SMARCB1: variants seen among roughly 807,000 people sequenced by gnomAD.
SMARCB1 encodes SWI/SNF-related matrix-associated actin-dependent regulator of chromatin subfamily B member 1.
In SMARCB1, 5 loss-of-function variants were observed where a neutral mutation model predicts 49.0. That is an observed-to-expected ratio of 0.10 (90% CI 0.05 to 0.21). SMARCB1 has a LOEUF of 0.21. Ranked by LOEUF, SMARCB1 falls within the 10% of genes least tolerant of loss-of-function variation. SMARCB1 has a pLI of 1.00. For synonymous variants in SMARCB1, 201 were observed against 200.1 expected, an observed-to-expected ratio of 1.00 and a Z score of -0.04; for missense variants, 226 against 509.2, an observed-to-expected ratio of 0.44 and a Z score of 5.35.
intron 8 of SMARCB1, 37 bp from the exon 9 acceptor site, chr22:23,834,104 T>C: frequency 6.4e-7 from 1 of 1,563,268 alleles, no homozygotes; most frequent in Admixed American, 1.9e-5. Flanking sequence ...GGCTGGGAGC[T>C]GGCCCCGACT....
At chr22:23,798,429 A>T (rs76218249) in intron 3 of SMARCB1, among the ~76,000 whole-genome samples, 2,798 of 152,032 alleles carry the variant, frequency 0.018, 61 homozygotes, top group South Asian at 0.11. Context: ...TAAAAATTGC[A>T]CTCTGAGCGG....
At chr22:23,803,621 T>A in intron 5 of SMARCB1, 199 bp downstream of exon 5, 1 of 691,072 alleles carries the variant, frequency 1.4e-6, no homozygotes, top group South Asian at 1.7e-5. Context: ...CCTGTGAACT[T>A]TGGACTCTTT....
rs17003998 is a variant in SMARCB1, at chr22:23,833,866, G to T, written c.1118+163G>T. Among the ~76,000 whole-genome samples, 17,570 of 152,202 alleles carry T rather than the reference G, an allele frequency of 0.12. 1,099 individuals carry two copies. Among genetic ancestry groups the T allele is most frequent in the South Asian group, 0.26 (1,267 of 4,818 alleles). On this transcript the variant is annotated intron_variant, in intron 8 of 8. Transcript: ENST00000644036. ...CTGGGTGATAAGGCCCCATCCAAAC[G>T]CCAGGGTATGTTTCCCTGCATGGAA...
rs1263839576 is a variant in SMARCB1 at position 23,836,736 on chromosome 22, C to T, written c.*2556C>T. The T allele has an allele frequency of 5.9e-6, 8 of 1,366,886 alleles. No homozygotes were observed. The highest frequency in any genetic ancestry group is 2.9e-5 in the East Asian group (1 of 34,420). The allele number at this position is 1,366,886 out of a possible 1,614,324, so 84.7% of individuals were successfully genotyped here. A position where few individuals can be genotyped will look rare whatever the true frequency, so the allele number is the denominator to read the frequency against. ...GCCAGTGCTGTGGGCCAAGAGACTGCAGCTCATTCTGTTTATTCAGGTGGG... is the reference window on the plus strand; with the variant it reads ...GCCAGTGCTGTGGGCCAAGAGACTGTAGCTCATTCTGTTTATTCAGGTGGG... On this transcript the variant is annotated 3_prime_UTR_variant, in exon 9 of 9. Transcript: ENST00000644036.
chr22:23,837,987 T>A lies in SMARCB1; in HGVS notation c.*3807T>A. On this transcript the variant is annotated 3_prime_UTR_variant, in exon 9 of 9. Transcript: ENST00000644036. Reference sequence around the variant, plus strand: ...CCCTCATCAAGATGAGCCAGTCCAATAAAGGCGACACACTCCACGGGCTTC... The same window carrying A: ...CCCTCATCAAGATGAGCCAGTCCAAAAAAGGCGACACACTCCACGGGCTTC... 1 of 1,241,554 alleles carries A rather than the reference T, an allele frequency of 8.1e-7. No individual in the cohort carries two copies. Among genetic ancestry groups the A allele is most frequent in the Non-Finnish European group, 1.1e-6 (1 of 915,212 alleles). The allele number at this position is 1,241,554 out of a possible 1,614,324, so 76.9% of individuals were successfully genotyped here.
At chr22:23,821,275 G>C (rs548369579) in intron 6 of SMARCB1, among the ~76,000 whole-genome samples, 3 of 152,354 alleles carry the variant, frequency 2.0e-5, no homozygotes, top group African/African-American at 7.2e-5. Context: ...TGTGTTATGT[G>C]GGACAGACTG....
intron 3 of SMARCB1, 80 bp from the exon 4 acceptor site, chr22:23,800,864 C>A (rs559091365): frequency 1.8e-6 from 2 of 1,086,482 alleles, no homozygotes; most frequent in East Asian, 4.7e-5. Context: ...CAGTGGGCAT[C>A]CCTGGAGCAT....
At chr22:23,825,466 T>C (rs546466028) in intron 7 of SMARCB1, 51 bp downstream of exon 7, 1 of 1,522,952 alleles carries the variant, frequency 6.6e-7, no homozygotes, top group Non-Finnish European at 9.1e-7. Flanking sequence ...CAAAACTGTT[T>C]TGAGAAAGAC....
At chr22:23,827,810 C>T (rs1299428011) in intron 7 of SMARCB1, among the ~76,000 whole-genome samples, 1 of 152,166 alleles carries the variant, frequency 6.6e-6, no homozygotes, top group East Asian at 1.9e-4. Flanking sequence ...GTTGGGCTGT[C>T]ATCCCTGACT....
intron 1 of SMARCB1, among the ~76,000 whole-genome samples, chr22:23,787,778 C>T (rs1289704304): frequency 6.6e-6 from 1 of 152,084 alleles, no homozygotes; most frequent in Non-Finnish European, 1.5e-5. Flanking sequence ...CTTTGTTTAC[C>T]GGTGAAGAAA....
chr22:23,791,967 C>T (rs1928409453), intron 2 of SMARCB1, 73 bp downstream of exon 2: 1 of 1,517,280 alleles, frequency 6.6e-7, no homozygotes, highest in South Asian at 1.1e-5. Flanking sequence ...AACGTTTTCA[C>T]TCCAGAGTGT....
chr22:23,790,080 G>C (rs1371979803), intron 1 of SMARCB1, among the ~76,000 whole-genome samples: 1 of 152,206 alleles, frequency 6.6e-6, no homozygotes, highest in East Asian at 1.9e-4. Context: ...GGTCCCAAGA[G>C]GGTGAAGGCT....
chr22:23,807,184 A>G (rs534704772), intron 5 of SMARCB1, among the ~76,000 whole-genome samples: 44 of 152,152 alleles, frequency 2.9e-4, no homozygotes, highest in Non-Finnish European at 3.5e-4. Flanking sequence ...TCCCCTCAGG[A>G]AGAGTTTTGG....
At position 23,811,757 on chromosome 22, in the gene SMARCB1, A is replaced by G. The variant is rs575223408; in HGVS notation, c.629-5013A>G. ...TGGAAAACAGGAAAAGCTTTCCTCA[A>G]GTCGATAATCTAAGCTCTAATCTCA... On this transcript the variant is annotated intron_variant, in intron 5 of 8. Coordinates refer to ENST00000644036, the MANE Select transcript of SMARCB1 (RefSeq NM_003073.5). 1.2e-4 allele frequency among the ~76,000 whole-genome samples: 18 copies of G among 152,362 alleles called. 1 individual carries two copies. Among genetic ancestry groups the G allele is most frequent in the Admixed American group, 1.0e-3 (16 of 15,296 alleles).
intron 2 of SMARCB1, chr22:23,792,120 G>A: frequency 3.6e-6 from 2 of 558,462 alleles, no homozygotes; most frequent in South Asian, 3.7e-5. Context: ...GGGTATGTGA[G>A]CGGGCCGGGG....
intron 6 of SMARCB1, among the ~76,000 whole-genome samples, chr22:23,822,941 G>GC (rs1333741805): frequency 8.0e-6 from 1 of 125,590 alleles, no homozygotes; most frequent in Non-Finnish European, 1.6e-5. Flanking sequence ...GTCTGTCAGT[G>GC]CCCCCACCAG....
At chr22:23,798,636 A>G (rs1022822850) in intron 3 of SMARCB1, among the ~76,000 whole-genome samples, 5 of 152,126 alleles carry the variant, frequency 3.3e-5, no homozygotes, top group Admixed American at 6.5e-5. Flanking sequence ...TTAGAAGGGA[A>G]AAGAGTTAAA....
intron 5 of SMARCB1, among the ~76,000 whole-genome samples, chr22:23,806,647 C>T (rs754786833): frequency 5.3e-5 from 8 of 152,058 alleles, no homozygotes; most frequent in South Asian, 2.1e-4. Context: ...ATTGGCCAGG[C>T]GTGGTGGCTC....
chr22:23,808,859 C>T (rs867063047), intron 5 of SMARCB1, among the ~76,000 whole-genome samples: 25 of 151,714 alleles, frequency 1.6e-4, no homozygotes, highest in African/African-American at 5.1e-4. Context: ...CCACCATACC[C>T]GGTTAATTTT....
Sources: gnomAD v4.1 joint callset for allele counts (sites outside exome capture counted in the v4.1 genomes callset) on GRCh38, gnomAD v4.1.1 for gene constraint, MANE v1.5 for transcripts, NCBI Gene and HGNC (gene_info 2026-07-23, HGNC 2026-07-21) for gene names.